GOLGA8Q: variants seen among roughly 807,000 people sequenced by gnomAD.
GOLGA8Q encodes golgin A8 family member Q.
A neutral mutation model predicts 48.7 loss-of-function variants in GOLGA8Q; 3 were observed. That is an observed-to-expected ratio of 0.06 (90% CI 0.03 to 0.16). GOLGA8Q has a LOEUF of 0.16. Among genes scored for constraint, GOLGA8Q ranks in the 10% least tolerant of loss-of-function variants. The pLI is 1.00. For missense variants in GOLGA8Q, 49 were observed against 364.3 expected, an observed-to-expected ratio of 0.13 and a Z score of 7.05; for synonymous variants, 22 against 138.2, an observed-to-expected ratio of 0.16 and a Z score of 5.90.
At chr15:30,554,470 ATTG>A (rs945591251) in intron 2 of GOLGA8Q, among the ~76,000 whole-genome samples, 2 of 23,770 alleles carry the variant, frequency 8.4e-5, no homozygotes, top group Non-Finnish European at 1.3e-4. Flanking sequence ...GAGATTTGTT[ATTG>A]TTGTTTTTAT....
intron 4 of GOLGA8Q, among the ~76,000 whole-genome samples, chr15:30,555,638 C>T (rs1162888343): frequency 2.8e-5 from 3 of 106,606 alleles, no homozygotes; most frequent in East Asian, 4.0e-4. Flanking sequence ...CTGGCCCATA[C>T]GTGCTCAGTA....
Position 30,560,615 on chromosome 15 carries a change from C to T in GOLGA8Q, c.1276+4C>T, listed in dbSNP as rs760239939. 29 of 1,125,130 alleles carry T rather than the reference C, an allele frequency of 2.6e-5. 10 individuals carry two copies. The highest frequency in any genetic ancestry group is 1.3e-4 in the South Asian group (9 of 70,754). The allele number at this position is 1,125,130 out of a possible 1,614,324, so 69.7% of individuals were successfully genotyped here. A position where few individuals can be genotyped will look rare whatever the true frequency, so the allele number is the denominator to read the frequency against. On this transcript the variant is annotated splice_donor_region_variant and intron_variant, in intron 14 of 18. Transcript: ENST00000562783. ...CTCATGGCTCTCCCTGGGGAAGGTA[C>T]GGGAGACCGCTCAGAGGAAGAGGAG...
rs772095316 is a variant in GOLGA8Q at position 30,558,022 on chromosome 15, C to A, written c.757C>A (p.His253Asn). The change falls in exon 10 of 19, where the codon CAT becomes AAT. Residue 253 changes from histidine (H) to asparagine (N), a missense_variant. Transcript: ENST00000562783. The part of the protein sequence containing the change: ...EHIEGERARW[H>N]QRMSKMLQEI... The stretch of plus-strand genomic sequence containing the variant: ...TATAGAAGGAGAGAGGGCCCGGTGG[C>A]ATCAGAGGATGAGTAAAATGTTGCA... The A allele has an allele frequency of 5.4e-6, 6 of 1,117,094 alleles. No individual in the cohort carries two copies. The highest frequency in any genetic ancestry group is 3.1e-4 in the Middle Eastern group (1 of 3,184). The allele number at this position is 1,117,094 out of a possible 1,614,324, so 69.2% of individuals were successfully genotyped here. A position where few individuals can be genotyped will look rare whatever the true frequency, so the allele number is the denominator to read the frequency against.
chr15:30,561,645 G>A, intron 15 of GOLGA8Q, 64 bp from the exon 16 acceptor site: 1 of 819,596 alleles, frequency 1.2e-6, no homozygotes, highest in Non-Finnish European at 1.8e-6. Context: ...CCTTCTCCAT[G>A]ACTTGAAAAT....
intron 13 of GOLGA8Q, chr15:30,559,666 A>G: frequency 5.1e-6 from 2 of 391,402 alleles, no homozygotes; most frequent in East Asian, 1.2e-4. Flanking sequence ...AACCTGGCCA[A>G]TGTGGTAAAA....
At chr15:30,555,687 C>T (rs1182156669) in intron 4 of GOLGA8Q, among the ~76,000 whole-genome samples, 3 of 91,566 alleles carry the variant, frequency 3.3e-5, no homozygotes, top group East Asian at 4.3e-4. Flanking sequence ...AAATCACAAG[C>T]TGCCAGAAGG....
chr15:30,553,060 C>G (rs1440808058), intron 1 of GOLGA8Q, among the ~76,000 whole-genome samples: 1 of 77,016 alleles, frequency 1.3e-5, no homozygotes, highest in East Asian at 3.8e-4. Context: ...GGACCAGACT[C>G]TCCTTCAGTC....
rs188201398 is a variant in GOLGA8Q at position 30,560,792 on chromosome 15, G to T, written c.1276+181G>T. ...CCTGTGAGCGGGCAGTCACCAAGTT[G>T]CCTAAGGGTGGCTGAACTGGCCAAG... On this transcript the variant is annotated intron_variant, in intron 14 of 18. Transcript: ENST00000562783. 3,094 of 611,414 alleles carry T rather than the reference G, an allele frequency of 5.1e-3. 1,019 individuals carry two copies. The Admixed American group carries it at 0.078, about 15-fold the overall frequency. The allele number at this position is 611,414 out of a possible 1,614,324, so 37.9% of individuals were successfully genotyped here. A position where few individuals can be genotyped will look rare whatever the true frequency, so the allele number is the denominator to read the frequency against.
intron 3 of GOLGA8Q, 35 bp from the exon 4 acceptor site, chr15:30,555,006 TC>T: frequency 1.2e-6 from 1 of 851,402 alleles, no homozygotes; most frequent in Non-Finnish European, 1.7e-6. Context: ...CTCTCCCCAC[TC>T]CTGCTCCACC....
intron 4 of GOLGA8Q, among the ~76,000 whole-genome samples, chr15:30,555,624 G>A (rs1005804950): frequency 2.8e-5 from 3 of 107,920 alleles, no homozygotes; most frequent in Non-Finnish European, 6.2e-5. Flanking sequence ...GTGAAGAACC[G>A]TACCTGGCCC....
chr15:30,559,688 C>G (rs2059666975), intron 13 of GOLGA8Q, among the ~76,000 whole-genome samples: 1 of 151,174 alleles, frequency 6.6e-6, no homozygotes, highest in Non-Finnish European at 1.5e-5. Flanking sequence ...CTCATCTCTA[C>G]TAAAATTAAA....
intron 2 of GOLGA8Q, among the ~76,000 whole-genome samples, chr15:30,554,358 G>A (rs1168618903): frequency 9.1e-6 from 1 of 109,800 alleles, no homozygotes; most frequent in East Asian, 2.1e-4. Context: ...TGCTCTGCTA[G>A]GGATATGATT....
chr15:30,559,789 T>G (rs1209485737), intron 13 of GOLGA8Q, among the ~76,000 whole-genome samples: 29 of 141,412 alleles, frequency 2.1e-4, no homozygotes, highest in African/African-American at 7.4e-4. Context: ...ACCCAGGAGG[T>G]GGAGGTTGCA....
chr15:30,558,072 C>G lies in GOLGA8Q; in HGVS notation c.786+21C>G. 3.8e-6 allele frequency: 4 copies of G among 1,050,318 alleles called. 1 individual carries two copies. The highest frequency in any genetic ancestry group is 1.4e-5 in the South Asian group (1 of 71,094). 65.1% of individuals were successfully genotyped at this position (1,050,318 alleles called of 1,614,324 possible). ...AGGAGGTGAGATCTGACCCTTCAGC[C>G]CCCCCACATTAGATAGGGCACTGGA... On this transcript the variant is annotated intron_variant, in intron 10 of 18. Coordinates refer to ENST00000562783, the MANE Select transcript of GOLGA8Q (RefSeq NM_001355476.2).
chr15:30,554,278 G>A (rs1424459077), intron 2 of GOLGA8Q, among the ~76,000 whole-genome samples: 3 of 126,982 alleles, frequency 2.4e-5, no homozygotes, highest in Admixed American at 7.6e-5. Flanking sequence ...ACTCCAGCCT[G>A]GTGAAAGAGC....
Position 30,562,182 on chromosome 15 carries a change from T to C in GOLGA8Q, c.1665T>C (p.Asp555=). Residue 555 remains aspartate (D), a synonymous_variant, in exon 18 of 19, where the codon GAT becomes GAC. Coordinates refer to ENST00000562783, the MANE Select transcript of GOLGA8Q (RefSeq NM_001355476.2). ...KFLAAAHNSA[D]EPGPGAPAPQ... is the part of the protein sequence containing the mutation. Reference sequence around the variant, plus strand: ...TGGCCGCTGCCCACAACTCTGCTGATGAGCCCGGTCCAGGAGCCCCAGCCC... The same window carrying C: ...TGGCCGCTGCCCACAACTCTGCTGACGAGCCCGGTCCAGGAGCCCCAGCCC... The C allele has an allele frequency of 4.7e-6, 5 of 1,069,146 alleles. 2 individuals are homozygous for C. Among genetic ancestry groups the C allele is most frequent in the Non-Finnish European group, 6.3e-6 (5 of 799,220 alleles). The allele number at this position is 1,069,146 out of a possible 1,614,324, so 66.2% of individuals were successfully genotyped here.
chr15:30,555,484 C>T (rs1161985995), intron 4 of GOLGA8Q, among the ~76,000 whole-genome samples: 3 of 103,580 alleles, frequency 2.9e-5, no homozygotes, highest in Non-Finnish European at 6.3e-5. Context: ...TTTTTGGGCT[C>T]GTGTTTCCAG....
At position 30,554,315 on chromosome 15, in the gene GOLGA8Q, A is replaced by T. The variant is rs1490011404; in HGVS notation, c.168+404A>T. On this transcript the variant is annotated intron_variant, in intron 2 of 18. Transcript: ENST00000562783. ...AGACTCTGTCTCAAAAAAAAAAAAA[A>T]GGAATTCTGGGTTTGAATCCTGCCT... Among the ~76,000 whole-genome samples, 6 of 123,462 alleles carry T rather than the reference A, an allele frequency of 4.9e-5. 1 individual carries two copies. Among genetic ancestry groups the T allele is most frequent in the Non-Finnish European group, 1.0e-4 (6 of 59,430 alleles). The allele number at this position is 123,462 out of a possible 152,430, so 81.0% of individuals were successfully genotyped here.
rs1331375247 is a variant in GOLGA8Q, at chr15:30,560,521, T to G, written c.1201-15T>G. On this transcript the variant is annotated splice_polypyrimidine_tract_variant and intron_variant, in intron 13 of 18. Coordinates refer to ENST00000562783, the MANE Select transcript of GOLGA8Q (RefSeq NM_001355476.2). Reference sequence around the variant, plus strand: ...GGCAAACTCCATCCCTTCTCACTCTTTCCTGGCCCCTTAGGAGCACCTGGA... The same window carrying G: ...GGCAAACTCCATCCCTTCTCACTCTGTCCTGGCCCCTTAGGAGCACCTGGA... 2.0e-4 allele frequency: 217 copies of G among 1,101,024 alleles called. 69 individuals are homozygous for G. The highest frequency in any genetic ancestry group is 2.4e-4 in the Non-Finnish European group (195 of 818,532). 68.2% of individuals were successfully genotyped at this position (1,101,024 alleles called of 1,614,324 possible).
Sources: gnomAD v4.1 joint callset for allele counts (sites outside exome capture counted in the v4.1 genomes callset) on GRCh38, gnomAD v4.1.1 for gene constraint, MANE v1.5 for transcripts, NCBI Gene and HGNC (gene_info 2026-07-23, HGNC 2026-07-21) for gene names.